MICU2: variants seen among roughly 807,000 people sequenced by gnomAD.
MICU2 encodes the protein calcium uptake protein 2, mitochondrial.
Under a neutral mutation model 60.4 loss-of-function variants are expected in MICU2, and 64 were observed. That is an observed-to-expected ratio of 1.06 (90% confidence interval 0.87 to 1.31). MICU2 has a LOEUF of 1.31. Among genes scored for constraint, MICU2 ranks in the 50% most tolerant of loss-of-function variants. The pLI, the probability that MICU2 is intolerant of heterozygous loss-of-function variation, is 0.00. For missense variants in MICU2, 569 were observed against 531.0 expected (o/e 1.07, Z -0.70); for synonymous variants, 201 against 175.0 (o/e 1.15, Z -1.17).
intron 7 of MICU2, among the ~76,000 whole-genome samples, chr13:21,511,952 T>A (rs546694377): frequency 6.6e-6 from 1 of 152,196 alleles, no homozygotes; most frequent in African/African-American, 2.4e-5. Flanking sequence ...ACAAAAGATA[T>A]CTAGATTGTT....
intron 2 of MICU2, among the ~76,000 whole-genome samples, chr13:21,562,158 G>C (rs193051140): frequency 2.4e-3 from 362 of 152,008 alleles, no homozygotes; most frequent in African/African-American, 8.4e-3. Context: ...TGTGAATAGT[G>C]CCGCAATCAA....
chr13:21,495,331 C>T lies in MICU2; in HGVS notation c.1043-13G>A, dbSNP rs1885967910. On this transcript the variant is annotated splice_polypyrimidine_tract_variant and intron_variant, in intron 10 of 11. Transcript: ENST00000382374. The stretch of plus-strand genomic sequence containing the variant: ...CTCTTAAACTCCGCTAAAAAACAAA[C>T]ATAAAACAACTTATCAACTATGTGA... 3 of 1,568,798 alleles carry T rather than the reference C, an allele frequency of 1.9e-6. 1 individual carries two copies. The highest frequency in any genetic ancestry group is 2.7e-5 in the African/African-American group (2 of 73,108).
intron 2 of MICU2, among the ~76,000 whole-genome samples, chr13:21,556,638 T>A (rs1235485623): frequency 6.6e-6 from 1 of 152,142 alleles, no homozygotes; most frequent in African/African-American, 2.4e-5. Context: ...GGAATCAGCC[T>A]TAGCAGGGCA....
chr13:21,523,885 A>G (rs945869420), intron 4 of MICU2, among the ~76,000 whole-genome samples: 3 of 152,218 alleles, frequency 2.0e-5, no homozygotes, highest in Non-Finnish European at 4.4e-5. Flanking sequence ...CAATGGAGAG[A>G]GTGCCTGGAA....
chr13:21,560,306 C>T (rs1050481649), intron 2 of MICU2, among the ~76,000 whole-genome samples: 1 of 151,032 alleles, frequency 6.6e-6, no homozygotes, highest in African/African-American at 2.4e-5. Context: ...TTTCCATATG[C>T]ATATCCAACT....
intron 1 of MICU2, among the ~76,000 whole-genome samples, chr13:21,577,804 CAAAAA>C (rs56200015): frequency 4.2e-5 from 2 of 47,900 alleles, no homozygotes; most frequent in African/African-American, 7.4e-5. Flanking sequence ...GACTCGGTCT[CAAAAA>C]AAAAAAAAAA....
At chr13:21,587,607 A>T (rs1888486720) in intron 1 of MICU2, among the ~76,000 whole-genome samples, 1 of 152,236 alleles carries the variant, frequency 6.6e-6, no homozygotes, top group South Asian at 2.1e-4. Context: ...TAGGCATAGG[A>T]ACAATACGAA....
Position 21,501,341 on chromosome 13 carries a change from A to C in MICU2, c.933+1585T>G, listed in dbSNP as rs76322686. Among the ~76,000 whole-genome samples the C allele has an allele frequency of 9.5e-3, 1,446 of 151,886 alleles. 14 individuals carry two copies. The highest frequency in any genetic ancestry group is 0.024 in the Middle Eastern group (7 of 294). ...GCAGTGGCGCAATCTCAGCTCACTG[A>C]AAGCTCTGCCTCCAGGGTTCACACT... On this transcript the variant is annotated intron_variant, in intron 9 of 11. Transcript: ENST00000382374.
intron 8 of MICU2, among the ~76,000 whole-genome samples, chr13:21,507,554 T>C (rs1006384913): frequency 1.3e-5 from 2 of 152,116 alleles, no homozygotes; most frequent in African/African-American, 4.8e-5. Context: ...AGTGTAGCCA[T>C]CAGGTAAACT....
intron 2 of MICU2, among the ~76,000 whole-genome samples, chr13:21,562,078 A>G (rs975162283): frequency 9.3e-5 from 14 of 151,026 alleles, no homozygotes; most frequent in Non-Finnish European, 1.9e-4. Flanking sequence ...TCCATGGTGT[A>G]TATGTGCCAC....
chr13:21,529,323 G>A (rs1259063406), intron 4 of MICU2, among the ~76,000 whole-genome samples: 2 of 152,132 alleles, frequency 1.3e-5, no homozygotes, highest in East Asian at 3.9e-4. Flanking sequence ...TTGGTTTAGG[G>A]GGAAGACGAT....
chr13:21,535,214 A>G (rs1887103901), intron 4 of MICU2, among the ~76,000 whole-genome samples: 1 of 152,162 alleles, frequency 6.6e-6, no homozygotes, highest in Non-Finnish European at 1.5e-5. Context: ...AAATCACATT[A>G]TATTTATGTA....
At chr13:21,524,333 T>C (rs2138170142) in intron 4 of MICU2, among the ~76,000 whole-genome samples, 1 of 152,144 alleles carries the variant, frequency 6.6e-6, no homozygotes, top group African/African-American at 2.4e-5. Context: ...CTATATTCCT[T>C]TTCACTCCCT....
At chr13:21,562,386 G>A (rs562821611) in intron 2 of MICU2, among the ~76,000 whole-genome samples, 7 of 152,216 alleles carry the variant, frequency 4.6e-5, no homozygotes, top group African/African-American at 1.7e-4. Context: ...AGTGACTGTT[G>A]ATATATCTGG....
At chr13:21,550,844 C>T (rs917498718) in intron 2 of MICU2, among the ~76,000 whole-genome samples, 6 of 152,180 alleles carry the variant, frequency 3.9e-5, no homozygotes, top group African/African-American at 1.4e-4. Context: ...GAAACCTAGA[C>T]TAATAGCTTA....
At chr13:21,517,379 T>C (rs1296074141) in intron 6 of MICU2, among the ~76,000 whole-genome samples, 1 of 152,204 alleles carries the variant, frequency 6.6e-6, no homozygotes, top group East Asian at 1.9e-4. Flanking sequence ...TAAAATCTAC[T>C]AGGAAAACAT....
At chr13:21,551,745 T>G (rs1370617585) in intron 2 of MICU2, among the ~76,000 whole-genome samples, 1 of 151,968 alleles carries the variant, frequency 6.6e-6, no homozygotes, top group Non-Finnish European at 1.5e-5. Flanking sequence ...GCTTCATCCA[T>G]GTCCCTACAA....
intron 8 of MICU2, among the ~76,000 whole-genome samples, chr13:21,503,651 T>C (rs1593315047): frequency 6.6e-6 from 1 of 152,230 alleles, no homozygotes; most frequent in East Asian, 1.9e-4. Flanking sequence ...AACATTCCTT[T>C]CTTACAAAAA....
chr13:21,568,109 C>G (rs1252141117), intron 1 of MICU2, among the ~76,000 whole-genome samples: 1 of 152,202 alleles, frequency 6.6e-6, no homozygotes, highest in African/African-American at 2.4e-5. Context: ...TCTTTTCACA[C>G]TGAATACTGA....
Sources: gnomAD v4.1 joint callset for allele counts (sites outside exome capture counted in the v4.1 genomes callset) on GRCh38, gnomAD v4.1.1 for gene constraint, MANE v1.5 for transcripts, NCBI Gene and HGNC (gene_info 2026-07-23, HGNC 2026-07-21) for gene names.